Variants in NMNAT2 observed in about 807,000 individuals in gnomAD.
NMNAT2 encodes nicotinamide nucleotide adenylyltransferase 2.
A neutral mutation model predicts 41.6 loss-of-function variants in NMNAT2; 11 were observed. That is an observed-to-expected ratio of 0.26 (90% confidence interval 0.17 to 0.44). NMNAT2 has a LOEUF of 0.44. Ranked by LOEUF, NMNAT2 falls within the 20% of genes least tolerant of loss-of-function variation. NMNAT2 has a pLI of 1.00. For synonymous variants in NMNAT2, 148 were observed against 151.2 expected (o/e 0.98, Z 0.16); for missense variants, 288 against 407.7 (o/e 0.71, Z 2.53).
Position 183,292,812 on chromosome 1 carries a change from C to A in NMNAT2, c.220G>T (p.Val74Phe). 3 of 1,614,008 alleles carry A rather than the reference C, an allele frequency of 1.9e-6. No homozygotes were observed. The highest frequency in any genetic ancestry group is 1.3e-5 in the African/African-American group (1 of 75,034). ...RHRLIMCQLA[V>F]QNSDWIRVDP... ...TACCTGATCCAATCAGAATTCTGGA[C>A]GGCCAGCTGACACATGATGAGACGG... Residue 74 changes from valine (V) to phenylalanine (F), a missense_variant, in exon 3 of 11, where the codon GTC becomes TTC. Physicochemically the swap from Val to Phe is conservative, Grantham distance 50. This residue lies in a region of NMNAT2 where 100 missense variants were observed against 168.5 expected (regional missense o/e 0.59). Coordinates refer to ENST00000287713, the MANE Select transcript of NMNAT2 (RefSeq NM_015039.4).
At chr1:183,311,551 T>A (rs1662119004) in intron 1 of NMNAT2, among the ~76,000 whole-genome samples, 1 of 152,156 alleles carries the variant, frequency 6.6e-6, no homozygotes, top group Non-Finnish European at 1.5e-5. Context: ...TCAAGCTCCC[T>A]GACAGGACCT....
chr1:183,330,221 A>G (rs930273298), intron 1 of NMNAT2, among the ~76,000 whole-genome samples: 1 of 152,222 alleles, frequency 6.6e-6, no homozygotes, highest in Non-Finnish European at 1.5e-5. Flanking sequence ...ATTGTTATAA[A>G]CATTATTTGA....
intron 1 of NMNAT2, among the ~76,000 whole-genome samples, chr1:183,304,302 G>T (rs1317556527): frequency 1.3e-5 from 2 of 152,326 alleles, no homozygotes; most frequent in East Asian, 3.9e-4. Flanking sequence ...AAAGATGTAA[G>T]TAGAAGAAGG....
chr1:183,257,383 G>A (rs1322874494), intron 10 of NMNAT2, among the ~76,000 whole-genome samples: 1 of 152,172 alleles, frequency 6.6e-6, no homozygotes, highest in East Asian at 1.9e-4. Context: ...GGAGGTTGCA[G>A]TGAGCCAAGA....
chr1:183,266,646 T>G (rs1274809974), intron 8 of NMNAT2: 1 of 154,452 alleles, frequency 6.5e-6, no homozygotes, highest in African/African-American at 2.4e-5. Context: ...GTCCCAAGGA[T>G]GCAAGAAACC....
In NMNAT2 at chr1:183,355,678, T is replaced by A. The variant is rs147829821; in HGVS notation, c.86-61885A>T. Among the ~76,000 whole-genome samples, 12 of 152,298 alleles carry A rather than the reference T, an allele frequency of 7.9e-5. No individual in the cohort carries two copies. In the East Asian group the frequency reaches 2.3e-3, roughly 29 times the overall value. ...TGGAAAGATGCTAATGAGGCCAACA[T>A]CAGAAATGTAGCCCCAGCCTGGGCT... On this transcript the variant is annotated intron_variant, in intron 1 of 10. Transcript: ENST00000287713.
At chr1:183,371,224 G>T (rs1450722170) in intron 1 of NMNAT2, among the ~76,000 whole-genome samples, 1 of 152,156 alleles carries the variant, frequency 6.6e-6, no homozygotes, top group Admixed American at 6.6e-5. Context: ...TGTGAAAAAG[G>T]CTATATACAG....
chr1:183,292,009 C>T (rs1661554647), intron 3 of NMNAT2, among the ~76,000 whole-genome samples: 1 of 152,234 alleles, frequency 6.6e-6, no homozygotes, highest in South Asian at 2.1e-4. Context: ...TCTCTGCATT[C>T]CTCATTCTGA....
intron 1 of NMNAT2, among the ~76,000 whole-genome samples, chr1:183,362,059 C>T (rs1663317711): frequency 6.6e-6 from 1 of 152,174 alleles, no homozygotes; most frequent in South Asian, 2.1e-4. Context: ...CTGCCTCAGC[C>T]TCCTGAGTAG....
Position 183,343,386 on chromosome 1 carries a change from C to G in NMNAT2, c.86-49593G>C, listed in dbSNP as rs1662860903. Among the ~76,000 whole-genome samples the G allele has an allele frequency of 3.9e-5, 6 of 152,208 alleles. No individual in the cohort carries two copies. The South Asian group carries it at 1.2e-3, about 31-fold the overall frequency. ...CAGGCCTTAGTTTATCTGTCATATG[C>G]TCAGAGTGACTTTTCCTGACCATCC... On this transcript the variant is annotated intron_variant, in intron 1 of 10. Coordinates refer to ENST00000287713, the MANE Select transcript of NMNAT2 (RefSeq NM_015039.4).
At chr1:183,260,121 G>A (rs1660620377) in intron 10 of NMNAT2, among the ~76,000 whole-genome samples, 1 of 152,154 alleles carries the variant, frequency 6.6e-6, no homozygotes, top group African/African-American at 2.4e-5. Flanking sequence ...TAGCTACAAA[G>A]TCTATTTCCC....
chr1:183,365,241 G>A (rs972609648), intron 1 of NMNAT2, among the ~76,000 whole-genome samples: 1 of 152,080 alleles, frequency 6.6e-6, no homozygotes, highest in Non-Finnish European at 1.5e-5. Flanking sequence ...AGAACCCTTT[G>A]CATTGCTTTT....
intron 1 of NMNAT2, among the ~76,000 whole-genome samples, chr1:183,406,047 G>A (rs1648946133): frequency 6.6e-6 from 1 of 152,218 alleles, no homozygotes; most frequent in African/African-American, 2.4e-5. Context: ...TAACATGCAA[G>A]TAGCTATAGC....
chr1:183,317,121 T>C (rs1662270600), intron 1 of NMNAT2, among the ~76,000 whole-genome samples: 1 of 152,208 alleles, frequency 6.6e-6, no homozygotes, highest in Non-Finnish European at 1.5e-5. Flanking sequence ...TGGAGTAGAC[T>C]CTTCTAAATG....
At chr1:183,278,324 C>A (rs1571568490) in intron 8 of NMNAT2, among the ~76,000 whole-genome samples, 1 of 152,188 alleles carries the variant, frequency 6.6e-6, no homozygotes, top group African/African-American at 2.4e-5. Flanking sequence ...TATGACTCAG[C>A]TTGCTTTTTT....
intron 1 of NMNAT2, among the ~76,000 whole-genome samples, chr1:183,400,476 T>C (rs1648777589): frequency 2.6e-5 from 4 of 152,080 alleles, no homozygotes; most frequent in Admixed American, 1.3e-4. Flanking sequence ...ATCGTGAAAA[T>C]GGCCATACTG....
intron 1 of NMNAT2, among the ~76,000 whole-genome samples, chr1:183,370,961 A>T (rs1416189877): frequency 6.6e-6 from 1 of 152,168 alleles, no homozygotes; most frequent in African/African-American, 2.4e-5. Context: ...CCAATGAGTG[A>T]GTGAGTAAAT....
chr1:183,392,859 AC>A (rs1648522346), intron 1 of NMNAT2, among the ~76,000 whole-genome samples: 1 of 152,074 alleles, frequency 6.6e-6, no homozygotes, highest in African/African-American at 2.4e-5. Flanking sequence ...CAATCCCCCA[AC>A]CCCATACTCA....
At position 183,323,847 on chromosome 1, in the gene NMNAT2, T is replaced by A. The variant is rs141574659; in HGVS notation, c.86-30054A>T. ...AGAATATCTTAGGATTTGGCCTCTC[T>A]CCTACGAGATTTGGCCTAAGAGGCT... On this transcript the variant is annotated intron_variant, in intron 1 of 10. Coordinates refer to ENST00000287713, the MANE Select transcript of NMNAT2 (RefSeq NM_015039.4). Among the ~76,000 whole-genome samples, 188 of 152,264 alleles carry A rather than the reference T, an allele frequency of 1.2e-3. 2 individuals carry two copies. Among genetic ancestry groups the A allele is most frequent in the African/African-American group, 4.0e-3 (166 of 41,538 alleles).
Sources: gnomAD v4.1 joint callset for allele counts (sites outside exome capture counted in the v4.1 genomes callset) on GRCh38, gnomAD v4.1.1 for gene constraint, gnomAD v4.1.1 regional missense constraint, MANE v1.5 for transcripts, NCBI Gene and HGNC (gene_info 2026-07-23, HGNC 2026-07-21) for gene names.